The following DMD variants were observed in gnomAD, a reference collection of about 807,000 sequenced individuals.
DMD encodes the protein dystrophin, also known as mutant dystrophin.
In DMD, 63 loss-of-function variants were observed where a neutral mutation model predicts 330.1. The observed-to-expected ratio is 0.19, with a 90% CI of 0.16 to 0.24. The LOEUF (loss-of-function observed/expected upper bound fraction) is 0.24, where lower values mean the gene tolerates loss of function less well. Among genes scored for constraint, DMD ranks in the 10% least tolerant of loss-of-function variants. DMD has a pLI of 1.00. For missense variants in DMD, 3,344 were observed against 2,684.1 expected (o/e 1.25, Z -5.43); for synonymous variants, 1,223 against 959.8 (o/e 1.27, Z -5.07).
intron 49 of DMD, among the ~76,000 whole-genome samples, chrX:31,821,852 A>G (rs2092768183): frequency 8.9e-6 from 1 of 112,296 alleles, no homozygotes; most frequent in African/African-American, 3.2e-5. Flanking sequence ...TTGCATTTCT[A>G]GTCTGAAGAA....
chrX:31,760,741 T>C (rs1201755479), intron 51 of DMD, among the ~76,000 whole-genome samples: 2 of 111,636 alleles, frequency 1.8e-5, no homozygotes, highest in Non-Finnish European at 3.8e-5. Flanking sequence ...CCAGAATCTA[T>C]GCCATAAACC....
intron 49 of DMD, among the ~76,000 whole-genome samples, chrX:31,835,768 T>C (rs1050963854): frequency 9.0e-6 from 1 of 111,556 alleles, no homozygotes; most frequent in Non-Finnish European, 1.9e-5. Context: ...ATCTAAGTCA[T>C]GGTAATGTTG....
At chrX:32,752,441 T>C (rs1352284897) in intron 7 of DMD, among the ~76,000 whole-genome samples, 2 of 109,672 alleles carry the variant, frequency 1.8e-5, no homozygotes, top group East Asian at 2.9e-4. Context: ...ATTTCTCCTA[T>C]TTGGAAGGGC....
intron 1 of DMD, among the ~76,000 whole-genome samples, chrX:33,025,017 G>T (rs2147794932): frequency 8.9e-6 from 1 of 112,214 alleles, no homozygotes; most frequent in Admixed American, 9.5e-5. Flanking sequence ...GATTCAGTCT[G>T]GGAGAGCTCT....
intron 60 of DMD, among the ~76,000 whole-genome samples, chrX:31,398,941 G>A (rs2148830922): frequency 8.9e-6 from 1 of 111,923 alleles, no homozygotes; most frequent in South Asian, 3.8e-4. Flanking sequence ...TGCAGCAGCT[G>A]GGGCCAGCAT....
At chrX:32,251,638 T>C (rs1350369734) in intron 43 of DMD, among the ~76,000 whole-genome samples, 1 of 110,753 alleles carries the variant, frequency 9.0e-6, no homozygotes, top group Non-Finnish European at 1.9e-5. Flanking sequence ...TTCAGGGAGG[T>C]TCCCTAAAGT....
chrX:31,416,755 T>C (rs2061891564), intron 60 of DMD, among the ~76,000 whole-genome samples: 1 of 112,038 alleles, frequency 8.9e-6, no homozygotes, highest in Admixed American at 9.5e-5. Flanking sequence ...GGTTCTCCAT[T>C]ATTTCCCAAA....
intron 2 of DMD, among the ~76,000 whole-genome samples, chrX:32,860,779 A>C (rs1259928441): frequency 9.0e-6 from 1 of 110,711 alleles, no homozygotes; most frequent in Non-Finnish European, 1.9e-5. Flanking sequence ...CAGCTTCCTC[A>C]CACCCCCTAT....
intron 26 of DMD, 65 bp downstream of exon 26, chrX:32,454,597 T>C: frequency 3.2e-6 from 3 of 935,817 alleles, no homozygotes; most frequent in Non-Finnish European, 4.5e-6. Context: ...TCAAGCATTG[T>C]TGCATTTCTT....
At chrX:32,098,427 T>C (rs772661100) in intron 44 of DMD, among the ~76,000 whole-genome samples, 2 of 111,949 alleles carry the variant, frequency 1.8e-5, no homozygotes, top group African/African-American at 6.5e-5. Context: ...TTACACCAGG[T>C]ACTATACTGA....
rs774971507 is a variant in DMD, at chrX:32,738,686, T to A, written c.650-39393A>T. ...CTGAAAACTTCTTCTACATGTTCAC[T>A]TGTCACCCGTCTGCAGAACAGAATT... On this transcript the variant is annotated intron_variant, in intron 7 of 78. Transcript: ENST00000357033. Among the ~76,000 whole-genome samples the A allele has an allele frequency of 0.065, 6,995 of 108,222 alleles. 2 individuals carry two copies. Among genetic ancestry groups the A allele is most frequent in the African/African-American group, 0.24 (6,566 of 27,502 alleles). The allele number at this position is 108,222 out of a possible 115,157, so 94.0% of individuals were successfully genotyped here.
At chrX:32,244,329 A>G (rs760959601) in intron 43 of DMD, among the ~76,000 whole-genome samples, 1 of 96,853 alleles carries the variant, frequency 1.0e-5, no homozygotes, top group Non-Finnish European at 2.1e-5. Context: ...CATGGTGTAT[A>G]TGTGCCACAT....
intron 52 of DMD, among the ~76,000 whole-genome samples, chrX:31,690,925 A>C (rs1483734967): frequency 9.1e-6 from 1 of 110,105 alleles, no homozygotes; most frequent in African/African-American, 3.3e-5. Context: ...CAATGAGAAC[A>C]CCTGGACGCA....
intron 41 of DMD, among the ~76,000 whole-genome samples, chrX:32,339,097 G>A (rs2097729200): frequency 9.0e-6 from 1 of 111,545 alleles, no homozygotes; most frequent in Admixed American, 9.6e-5. Flanking sequence ...CCTGCATAAC[G>A]CAGCAGGTGT....
chrX:33,058,400 T>G, intron 1 of DMD, among the ~76,000 whole-genome samples: 1 of 111,225 alleles, frequency 9.0e-6, no homozygotes, highest in East Asian at 2.8e-4. Flanking sequence ...TTCTCTCATC[T>G]CAGCCTCTGG....
At chrX:32,519,263 TAAAAAAAA>T (rs201722710) in intron 17 of DMD, among the ~76,000 whole-genome samples, 1 of 69,251 alleles carries the variant, frequency 1.4e-5, no homozygotes, top group Admixed American at 1.8e-4. Context: ...AAGTGGAATC[TAAAAAAAA>T]AAAAAAAAAA....
At chrX:31,215,861 C>A (rs1447137698) in intron 64 of DMD, among the ~76,000 whole-genome samples, 1 of 112,423 alleles carries the variant, frequency 8.9e-6, no homozygotes, top group Non-Finnish European at 1.9e-5. Flanking sequence ...GGCCTACTTT[C>A]CTGAGACTGA....
At chrX:32,612,207 T>A (rs969458535) in intron 12 of DMD, among the ~76,000 whole-genome samples, 2 of 111,464 alleles carry the variant, frequency 1.8e-5, no homozygotes, top group African/African-American at 6.5e-5. Flanking sequence ...AATGTCCCAC[T>A]ATGGGACAAA....
intron 49 of DMD, among the ~76,000 whole-genome samples, chrX:31,828,663 CAAAA>C (rs147580367): frequency 1.5e-5 from 1 of 66,127 alleles, no homozygotes; most frequent in Non-Finnish European, 2.9e-5. Flanking sequence ...AACTCCATCT[CAAAA>C]AAAAAAAAAA....
Sources: allele counts gnomAD v4.1 joint callset (sites outside exome capture counted in the v4.1 genomes callset), GRCh38; gene constraint gnomAD v4.1.1; transcripts MANE v1.5; gene names NCBI Gene and HGNC (gene_info 2026-07-23, HGNC 2026-07-21).